Variants in ZMYM6 observed in about 807,000 individuals in gnomAD.
ZMYM6 encodes the protein zinc finger MYM-type protein 6.
In ZMYM6, 90 loss-of-function variants were observed where a neutral mutation model predicts 134.0. The observed-to-expected ratio is 0.67, with a 90% CI of 0.57 to 0.80. The LOEUF (loss-of-function observed/expected upper bound fraction) is 0.80, where lower values mean the gene tolerates loss of function less well. Ranked by LOEUF, ZMYM6 falls within the 30% of genes least tolerant of loss-of-function variation. The pLI, the probability that ZMYM6 is intolerant of heterozygous loss-of-function variation, is 0.00. For synonymous variants in ZMYM6, 481 were observed against 524.1 expected (o/e 0.92, Z 1.12); for missense variants, 1,362 against 1,533.9 (o/e 0.89, Z 1.87).
intron 11 of ZMYM6, 95 bp downstream of exon 11, chr1:35,008,657 C>A: frequency 7.2e-7 from 1 of 1,396,974 alleles, no homozygotes; most frequent in Non-Finnish European, 9.7e-7. Context: ...CAGTGCTAAA[C>A]ACCAAATTTT....
intron 14 of ZMYM6, among the ~76,000 whole-genome samples, chr1:34,995,388 A>C (rs186073573): frequency 9.6e-4 from 145 of 150,622 alleles, no homozygotes; most frequent in African/African-American, 3.1e-3. Context: ...AGGGTTCTAT[A>C]TATATATACA....
At chr1:35,009,013 T>C in intron 10 of ZMYM6, 89 bp from the exon 11 acceptor site, 1 of 1,351,214 alleles carries the variant, frequency 7.4e-7, no homozygotes, top group Non-Finnish European at 1.0e-6. Context: ...GATATGAAAC[T>C]TTAAGCTAAT....
chr1:35,001,820 G>A (rs908957226), intron 14 of ZMYM6, among the ~76,000 whole-genome samples: 18 of 152,060 alleles, frequency 1.2e-4, no homozygotes, highest in Admixed American at 9.8e-4. Flanking sequence ...AGAGAGTTAC[G>A]AGACACTAAA....
At chr1:34,989,061 A>T (rs1640621606) in intron 15 of ZMYM6, 126 bp from the exon 16 acceptor site, 1 of 1,476,902 alleles carries the variant, frequency 6.8e-7, no homozygotes, top group African/African-American at 1.4e-5. Flanking sequence ...ATGCACTGGT[A>T]AAAGTTTAAG....
Position 35,014,806 on chromosome 1 carries a change from T to C in ZMYM6, c.686A>G (p.Asn229Ser), listed in dbSNP as rs1319316471. 6.2e-7 allele frequency: 1 copy of C among 1,614,184 alleles called. No homozygotes were observed. Among genetic ancestry groups the C allele is most frequent in the Admixed American group, 1.7e-5 (1 of 60,028 alleles). ...ACFSKFHSTN[N>S]LTMNCCENCG... ...GTTCTCACAACAGTTCATGGTGAGG[T>C]TGTTTGTAGAGTGAAATTTTGAAAA... is the stretch of plus-strand genomic sequence containing the variant. The change falls in exon 6 of 16, where the codon AAC becomes AGC. Residue 229 changes from asparagine to serine, a missense_variant. Around this residue, in one of 3 missense-constraint regions of ZMYM6, gnomAD observed 503 missense variants for 520.8 expected, o/e 0.97. Coordinates refer to ENST00000357182, the MANE Select transcript of ZMYM6 (RefSeq NM_007167.4).
At chr1:35,000,676 T>C (rs1423694850) in intron 14 of ZMYM6, among the ~76,000 whole-genome samples, 1 of 152,180 alleles carries the variant, frequency 6.6e-6, no homozygotes, top group East Asian at 1.9e-4. Flanking sequence ...AGTATCAACA[T>C]GGATAGGTAT....
At position 35,005,119 on chromosome 1, in the gene ZMYM6, T is replaced by A; in HGVS notation, c.1954+13A>T. 1.9e-6 allele frequency: 3 copies of A among 1,613,834 alleles called. No individual in the cohort carries two copies. Among genetic ancestry groups the A allele is most frequent in the Non-Finnish European group, 2.5e-6 (3 of 1,179,836 alleles). ...TCTATGGCTTAGCCAAATGCCATTA[T>A]ATCAAGTCATACCTTTTAAAACACT... On this transcript the variant is annotated intron_variant, in intron 13 of 15. Transcript: ENST00000357182.
chr1:35,008,801 T>C lies in ZMYM6; in HGVS notation c.1616A>G (p.Glu539Gly). The change falls in exon 11 of 16, where the codon GAG becomes GGG. Residue 539 changes from glutamate (E) to glycine (G), a missense_variant. Physicochemically the swap from Glu to Gly is moderately conservative, Grantham distance 98. Around this residue, in one of 3 missense-constraint regions of ZMYM6, gnomAD observed 824 missense variants for 940.9 expected, o/e 0.88. Coordinates refer to ENST00000357182, the MANE Select transcript of ZMYM6 (RefSeq NM_007167.4). ...GGACATACAATCTTCACAACAAAAC[T>C]CTTCTAACTTGCCCTCCAATCGATT... is the stretch of plus-strand genomic sequence containing the variant. ...VENRLEGKLEEFCCEDCMSKF... is the reference protein window; with the variant it reads ...VENRLEGKLEGFCCEDCMSKF... 1 of 1,614,082 alleles carries C rather than the reference T, an allele frequency of 6.2e-7. No individual in the cohort carries two copies.
chr1:34,992,294 C>G lies in ZMYM6; in HGVS notation c.2086G>C (p.Val696Leu). Residue 696 changes from valine to leucine, a missense_variant, in exon 15 of 16, where the codon GTC becomes CTC. Transcript: ENST00000357182. The stretch of plus-strand genomic sequence containing the variant: ...CAAGAAGTGGCCTTGGTCTGTGTGA[C>G]GGGTTTGCATGATATGCCTTTGTTC... ...LKNKGISCKP[V>L]TQTKATSCKP... is the part of the protein sequence containing the mutation. 1.2e-6 allele frequency: 2 copies of G among 1,614,028 alleles called. No individual in the cohort carries two copies. Among genetic ancestry groups the G allele is most frequent in the East Asian group, 2.2e-5 (1 of 44,852 alleles).
At chr1:35,003,370 C>T (rs562043616) in intron 14 of ZMYM6, among the ~76,000 whole-genome samples, 2 of 152,206 alleles carry the variant, frequency 1.3e-5, no homozygotes, top group Admixed American at 6.5e-5. Context: ...ATTTCTTGAA[C>T]GTTTCTTTTA....
At chr1:35,025,141 G>A (rs909562344) in intron 2 of ZMYM6, among the ~76,000 whole-genome samples, 1 of 151,320 alleles carries the variant, frequency 6.6e-6, no homozygotes, top group Non-Finnish European at 1.5e-5. Context: ...AAAGTGCTGG[G>A]ATTACAGGTA....
intron 3 of ZMYM6, 127 bp from the exon 4 acceptor site, chr1:35,019,729 G>A: frequency 5.1e-6 from 6 of 1,168,652 alleles, no homozygotes; most frequent in Non-Finnish European, 7.0e-6. Flanking sequence ...CTGGAGTGCA[G>A]TGGTGCAATC....
At chr1:35,012,733 A>G (rs1479544773) in intron 6 of ZMYM6, 152 bp from the exon 7 acceptor site, 1 of 1,413,946 alleles carries the variant, frequency 7.1e-7, no homozygotes, top group Non-Finnish European at 9.2e-7. Flanking sequence ...AGGTGGGAAA[A>G]TAAGTTCTTC....
chr1:35,026,207 G>T (rs1641412502), intron 2 of ZMYM6, among the ~76,000 whole-genome samples: 1 of 151,864 alleles, frequency 6.6e-6, no homozygotes, highest in Non-Finnish European at 1.5e-5. Flanking sequence ...TTTTAGTAGA[G>T]ACAGGGTTTC....
intron 2 of ZMYM6, among the ~76,000 whole-genome samples, chr1:35,023,066 A>C (rs1473405761): frequency 6.6e-6 from 1 of 152,168 alleles, no homozygotes; most frequent in East Asian, 1.9e-4. Flanking sequence ...GACATCTTAC[A>C]GTTAGTCAAA....
At position 35,008,921 on chromosome 1, in the gene ZMYM6, C is replaced by A; in HGVS notation, c.1496G>T (p.Cys499Phe). Residue 499 changes from cysteine (C) to phenylalanine (F), a missense_variant, in exon 11 of 16, where the codon TGC (cysteine) becomes TTC (phenylalanine). This residue lies in a region of ZMYM6 where 35 missense variants were observed against 72.2 expected (regional missense o/e 0.48). Transcript: ENST00000357182. The stretch of plus-strand genomic sequence containing the variant: ...AAAGTCACGGGCAGAGAGGAATTTG[C>A]AAACTGAGGATCAGAGGGATGAAAG... ...GVDKPFCSEV[C>F]KFLSARDFGE... 1 of 1,610,170 alleles carries A rather than the reference C, an allele frequency of 6.2e-7. No individual in the cohort carries two copies. Among genetic ancestry groups the A allele is most frequent in the Non-Finnish European group, 8.5e-7 (1 of 1,178,362 alleles).
intron 14 of ZMYM6, among the ~76,000 whole-genome samples, chr1:34,997,515 G>A (rs955189526): frequency 6.6e-6 from 1 of 152,136 alleles, no homozygotes; most frequent in Non-Finnish European, 1.5e-5. Context: ...ATGTTGGCCA[G>A]GCTGGTCTTG....
intron 4 of ZMYM6, among the ~76,000 whole-genome samples, chr1:35,015,941 CTT>C (rs1340669525): frequency 8.1e-6 from 1 of 123,820 alleles, no homozygotes; most frequent in Non-Finnish European, 1.5e-5. Context: ...TGAATTTTTT[CTT>C]TCTTTTTTTT....
intron 14 of ZMYM6, among the ~76,000 whole-genome samples, chr1:35,003,162 C>G (rs545986339): frequency 4.9e-4 from 61 of 124,666 alleles, no homozygotes; most frequent in African/African-American, 1.8e-3. Flanking sequence ...GCCTGGGCAA[C>G]AGAGCAAGAC....
Sources: gnomAD v4.1 joint callset for allele counts (sites outside exome capture counted in the v4.1 genomes callset) on GRCh38, gnomAD v4.1.1 for gene constraint, gnomAD v4.1.1 regional missense constraint, MANE v1.5 for transcripts, NCBI Gene and HGNC (gene_info 2026-07-23, HGNC 2026-07-21) for gene names.